DSCAM: variants seen among roughly 807,000 people sequenced by gnomAD.
DSCAM encodes the protein DS cell adhesion molecule.
Under a neutral mutation model 217.7 loss-of-function variants are expected in DSCAM, and 47 were observed. The observed-to-expected ratio is 0.22, with a 90% CI of 0.17 to 0.28. The LOEUF is 0.28. DSCAM is among the 10% of genes least tolerant of loss of function. The pLI is 1.00. For missense variants in DSCAM, 2,080 were observed against 2,618.3 expected, an observed-to-expected ratio of 0.79 and a Z score of 4.49; for synonymous variants, 1,056 against 1,015.3, an observed-to-expected ratio of 1.04 and a Z score of -0.76.
intron 15 of DSCAM, among the ~76,000 whole-genome samples, chr21:40,171,437 C>G (rs2090656712): frequency 6.6e-6 from 1 of 152,068 alleles, no homozygotes; most frequent in Non-Finnish European, 1.5e-5. Context: ...GTTCTTGTAT[C>G]CAGGACAGAC....
chr21:40,694,042 T>C (rs1300467082), intron 2 of DSCAM, among the ~76,000 whole-genome samples: 1 of 152,104 alleles, frequency 6.6e-6, no homozygotes, highest in Non-Finnish European at 1.5e-5. Flanking sequence ...AGGTGAAAAT[T>C]CAACAGTGTC....
intron 1 of DSCAM, among the ~76,000 whole-genome samples, chr21:40,761,691 C>G (rs2091337131): frequency 6.6e-6 from 1 of 152,150 alleles, no homozygotes; most frequent in Non-Finnish European, 1.5e-5. Context: ...GAGAAACGAT[C>G]CCAATTAGAG....
Position 40,093,797 on chromosome 21 carries a change from G to C in DSCAM, c.3774C>G (p.Ser1258Arg), listed in dbSNP as rs755703750. The C allele has an allele frequency of 6.2e-7, 1 of 1,614,004 alleles. No individual in the cohort carries two copies. The highest frequency in any genetic ancestry group is 2.2e-5 in the East Asian group (1 of 44,870). ...IPNLSRNRQY[S>R]VWVVAVTSAG... ...CTGAAGTAACAGCCACCACCCAGAC[G>C]CTGTACTGACGATTCCTACTCAGGT... Residue 1258 changes from serine (S) to arginine (R), a missense_variant, in exon 21 of 33, where the codon AGC (serine) becomes AGG (arginine). By Grantham distance (110) the Ser-to-Arg change is moderately radical (BLOSUM62 -1). Transcript: ENST00000400454.
chr21:40,312,058 A>T (rs748614083), intron 9 of DSCAM, 23 bp downstream of exon 9: 2 of 1,606,690 alleles, frequency 1.2e-6, no homozygotes, highest in Non-Finnish European at 1.7e-6. Flanking sequence ...CAGATGCCAC[A>T]TGGCTCATGA....
intron 3 of DSCAM, among the ~76,000 whole-genome samples, chr21:40,430,446 G>T (rs557439974): frequency 2.6e-5 from 4 of 152,296 alleles, no homozygotes; most frequent in African/African-American, 7.2e-5. Context: ...ACAAGGACTG[G>T]CCTAGCCTCT....
chr21:40,729,600 A>G (rs1348831954), intron 1 of DSCAM, among the ~76,000 whole-genome samples: 2 of 152,238 alleles, frequency 1.3e-5, no homozygotes, highest in Non-Finnish European at 2.9e-5. Flanking sequence ...AGTCACAGCC[A>G]CACAAAAACA....
intron 18 of DSCAM, among the ~76,000 whole-genome samples, chr21:40,135,396 C>G (rs1366675104): frequency 6.6e-6 from 1 of 152,224 alleles, no homozygotes; most frequent in Non-Finnish European, 1.5e-5. Flanking sequence ...ATACAACCAG[C>G]AGAGTTATTC....
At chr21:40,845,313 C>T (rs1344856429) in intron 1 of DSCAM, among the ~76,000 whole-genome samples, 2 of 152,120 alleles carry the variant, frequency 1.3e-5, no homozygotes, top group Admixed American at 6.5e-5. Flanking sequence ...TCTTAGTCAC[C>T]GTTTTTTTAA....
At chr21:40,088,378 TCC>T (rs2089561293) in intron 21 of DSCAM, among the ~76,000 whole-genome samples, 3 of 152,204 alleles carry the variant, frequency 2.0e-5, no homozygotes, top group Admixed American at 6.5e-5. Flanking sequence ...AGCTCTAGAA[TCC>T]CTGGAAGGGC....
chr21:40,044,331 G>A (rs912671862), intron 30 of DSCAM, 56 bp from the exon 31 acceptor site: 24 of 1,551,024 alleles, frequency 1.5e-5, no homozygotes, highest in Non-Finnish European at 2.1e-5. Context: ...GGTCAGCTGA[G>A]AGCAAGCGTA....
At chr21:40,093,348 T>C (rs1034081292) in intron 21 of DSCAM, among the ~76,000 whole-genome samples, 60 of 152,356 alleles carry the variant, frequency 3.9e-4, no homozygotes, top group African/African-American at 1.3e-3. Context: ...GCAAATTCCA[T>C]AGACTATAAA....
intron 3 of DSCAM, among the ~76,000 whole-genome samples, chr21:40,445,355 G>A (rs370785893): frequency 1.3e-5 from 2 of 152,156 alleles, no homozygotes; most frequent in African/African-American, 4.8e-5. Context: ...TGCAACATTG[G>A]TTCTGTTCTG....
intron 1 of DSCAM, among the ~76,000 whole-genome samples, chr21:40,758,848 GC>G (rs1207407388): frequency 6.6e-6 from 1 of 152,078 alleles, no homozygotes; most frequent in African/African-American, 2.4e-5. Context: ...TCTTTAGTGG[GC>G]CTGATGAAGA....
chr21:40,210,928 C>T (rs2091176147), intron 11 of DSCAM, among the ~76,000 whole-genome samples: 1 of 152,086 alleles, frequency 6.6e-6, no homozygotes, highest in South Asian at 2.1e-4. Flanking sequence ...TAACTTTATC[C>T]CATTACAGGT....
chr21:40,456,304 G>C lies in DSCAM; in HGVS notation c.509-87059C>G, dbSNP rs1338846951. On this transcript the variant is annotated intron_variant, in intron 3 of 32. Coordinates refer to ENST00000400454, the MANE Select transcript of DSCAM (RefSeq NM_001389.5). ...TTATAATTAGAAAAAAAATTTTTTAGAGTTCACTTAAAAAAAAGTAAATTA... is the reference window on the plus strand; with the variant it reads ...TTATAATTAGAAAAAAAATTTTTTACAGTTCACTTAAAAAAAAGTAAATTA... Among the ~76,000 whole-genome samples, 6 of 151,620 alleles carry C rather than the reference G, an allele frequency of 4.0e-5. No homozygotes were observed. In the East Asian group the frequency reaches 1.2e-3, roughly 29 times the overall value.
In DSCAM at chr21:40,285,745, G is replaced by A. The variant is rs183693192; in HGVS notation, c.2183-9475C>T. Reference sequence around the variant, plus strand: ...TTGTTGTGCATGAGGGATCCATATCGGACTTTGAACTTGGGTTTATTTTTA... The same window carrying A: ...TTGTTGTGCATGAGGGATCCATATCAGACTTTGAACTTGGGTTTATTTTTA... On this transcript the variant is annotated intron_variant, in intron 10 of 32. Transcript: ENST00000400454. Among the ~76,000 whole-genome samples, 121 of 152,250 alleles carry A rather than the reference G, an allele frequency of 7.9e-4. 1 individual carries two copies. The highest frequency in any genetic ancestry group is 2.5e-4 in the Non-Finnish European group (17 of 68,028).
chr21:40,463,804 C>T (rs1383531412), intron 3 of DSCAM, among the ~76,000 whole-genome samples: 1 of 152,174 alleles, frequency 6.6e-6, no homozygotes, highest in Non-Finnish European at 1.5e-5. Flanking sequence ...TCCCTGAGCT[C>T]CATCATTTGT....
intron 1 of DSCAM, among the ~76,000 whole-genome samples, chr21:40,815,633 T>C (rs2091874616): frequency 1.3e-5 from 2 of 152,200 alleles, no homozygotes; most frequent in African/African-American, 4.8e-5. Context: ...TGTGCTTCCT[T>C]GTTTTCAAAG....
At chr21:40,219,026 G>A (rs933944188) in intron 11 of DSCAM, among the ~76,000 whole-genome samples, 1 of 152,180 alleles carries the variant, frequency 6.6e-6, no homozygotes, top group African/African-American at 2.4e-5. Context: ...AACAGGAGCA[G>A]TGAGAGAGGG....
Sources: allele counts gnomAD v4.1 joint callset (sites outside exome capture counted in the v4.1 genomes callset), GRCh38; gene constraint gnomAD v4.1.1; transcripts MANE v1.5; gene names NCBI Gene and HGNC (gene_info 2026-07-23, HGNC 2026-07-21).